Variants in SPSB1 observed in about 807,000 individuals in gnomAD.
SPSB1 encodes the protein SPRY domain-containing SOCS box protein 1.
SPSB1 carries 8 observed loss-of-function variants against 21.2 expected under a neutral mutation model. That is an observed-to-expected ratio of 0.38 (90% CI 0.22 to 0.68). The LOEUF is 0.68. Ranked by LOEUF, SPSB1 falls within the 30% of genes least tolerant of loss-of-function variation. The probability of loss-of-function intolerance (pLI) is 0.53; values close to 1 mark genes in which losing one functional copy is unlikely to be tolerated. For synonymous variants in SPSB1, 169 were observed against 161.7 expected (o/e 1.05, Z -0.34); for missense variants, 242 against 377.8 (o/e 0.64, Z 2.98).
At position 9,305,911 on chromosome 1, in the gene SPSB1, G is replaced by A. The variant is rs547369082; in HGVS notation, c.-150+12840G>A. Among the ~76,000 whole-genome samples the A allele has an allele frequency of 6.6e-6, 1 of 152,156 alleles. No individual in the cohort carries two copies. Among genetic ancestry groups the A allele is most frequent in the Non-Finnish European group, 1.5e-5 (1 of 68,032 alleles). The stretch of plus-strand genomic sequence containing the variant: ...GCAGGGGTGGCCAGGTTGGAAAGGC[G>A]GGAAGGGTGCCCATGTGTGGCCAAA... On this transcript the variant is annotated intron_variant, in intron 1 of 2. Transcript: ENST00000328089. The surrounding 1 kb of genome is among the most constrained non-coding windows in gnomAD (Gnocchi z 4.8).
At chr1:9,334,566 G>T (rs1639974210) in intron 1 of SPSB1, among the ~76,000 whole-genome samples, 1 of 152,174 alleles carries the variant, frequency 6.6e-6, no homozygotes, top group Admixed American at 6.5e-5. Flanking sequence ...GTGGCATTAG[G>T]TACCTTCATA....
rs796257097 is a variant in SPSB1 at position 9,346,943 on chromosome 1, T to C, written c.-149-8800T>C. On this transcript the variant is annotated intron_variant, in intron 1 of 2. Coordinates refer to ENST00000328089, the MANE Select transcript of SPSB1 (RefSeq NM_025106.4). This position sits in a 1 kb window ranked among gnomAD's most constrained non-coding sequence, Gnocchi z 4.4. ...TTTGAAACAGTATAATCGGAAGTCT[T>C]GGGATAGATCACTGTAGAAATAATG... Among the ~76,000 whole-genome samples the C allele has an allele frequency of 8.5e-5, 13 of 152,378 alleles. No homozygotes were observed. Among genetic ancestry groups the C allele is most frequent in the African/African-American group, 3.1e-4 (13 of 41,588 alleles).
At chr1:9,366,502 G>T (rs1403156734) in intron 2 of SPSB1, among the ~76,000 whole-genome samples, 11 of 152,048 alleles carry the variant, frequency 7.2e-5, no homozygotes, top group Non-Finnish European at 1.5e-4. Context: ...GCTGGGCCCA[G>T]GCTGCCTGGA....
In SPSB1 at chr1:9,324,940, G is replaced by T. The variant is rs574920622; in HGVS notation, c.-149-30803G>T. On this transcript the variant is annotated intron_variant, in intron 1 of 2. Coordinates refer to ENST00000328089, the MANE Select transcript of SPSB1 (RefSeq NM_025106.4). The surrounding 1 kb of genome is among the most constrained non-coding windows in gnomAD (Gnocchi z 4.3). The stretch of plus-strand genomic sequence containing the variant: ...TGGGGTGGGGGAGCAGGGACACCCG[G>T]CCTGGCGGGCTGGTGGATCGGAGGC... 1.8e-4 allele frequency among the ~76,000 whole-genome samples: 27 copies of T among 152,346 alleles called. No individual in the cohort carries two copies. In the South Asian group the frequency reaches 5.6e-3, roughly 32 times the overall value.
chr1:9,315,210 C>T (rs1639591299), intron 1 of SPSB1, among the ~76,000 whole-genome samples: 1 of 152,160 alleles, frequency 6.6e-6, no homozygotes, highest in Non-Finnish European at 1.5e-5. Flanking sequence ...CTCCCCATGC[C>T]GCATCACGGA....
At chr1:9,342,874 C>G (rs1473740435) in intron 1 of SPSB1, among the ~76,000 whole-genome samples, 1 of 152,266 alleles carries the variant, frequency 6.6e-6, no homozygotes, top group African/African-American at 2.4e-5. Context: ...AGGCTCTTCA[C>G]TCCCCACATC....
chr1:9,350,908 T>C (rs1024546333), intron 1 of SPSB1, among the ~76,000 whole-genome samples: 3 of 152,188 alleles, frequency 2.0e-5, no homozygotes, highest in African/African-American at 7.2e-5. Context: ...CTGCCTGAAG[T>C]GTAGTGCCCG....
chr1:9,350,685 G>A (rs1007632299), intron 1 of SPSB1, among the ~76,000 whole-genome samples: 3 of 152,228 alleles, frequency 2.0e-5, no homozygotes, highest in Admixed American at 6.5e-5. Flanking sequence ...GCCCTGCAGG[G>A]CAGTACGAGC....
At chr1:9,341,683 G>A (rs922835619) in intron 1 of SPSB1, among the ~76,000 whole-genome samples, 4 of 152,130 alleles carry the variant, frequency 2.6e-5, no homozygotes, top group African/African-American at 4.8e-5. Flanking sequence ...CTTCCTGAAC[G>A]GTGACCACGC....
intron 1 of SPSB1, among the ~76,000 whole-genome samples, chr1:9,333,363 C>T (rs1444697140): frequency 1.4e-5 from 2 of 143,370 alleles, no homozygotes; most frequent in African/African-American, 5.1e-5. Flanking sequence ...CAGAGTCTCA[C>T]TCTGTTGCCC....
At chr1:9,298,374 ATGAATGAATGAG>A (rs58085873) in intron 1 of SPSB1, among the ~76,000 whole-genome samples, 15,003 of 135,036 alleles carry the variant, frequency 0.11, 907 homozygotes, top group South Asian at 0.15. Context: ...GCCCCCATGA[ATGAATGAATGAG>A]TGAATGAATG....
intron 2 of SPSB1, among the ~76,000 whole-genome samples, chr1:9,364,034 G>A (rs1387358807): frequency 3.9e-5 from 6 of 152,186 alleles, no homozygotes; most frequent in Non-Finnish European, 4.4e-5. Context: ...TTGGAAACCC[G>A]TTACACCAAG....
intron 1 of SPSB1, among the ~76,000 whole-genome samples, chr1:9,309,044 G>A (rs1200914283): frequency 6.6e-6 from 1 of 152,032 alleles, no homozygotes; most frequent in Non-Finnish European, 1.5e-5. Context: ...GTTCTAGGCT[G>A]GGGGGTTTCA....
chr1:9,356,515 A>G lies in SPSB1; in HGVS notation c.624A>G (p.Lys208=), dbSNP rs768006565. ...CTTTTCGGGGACTCAAGGGCAAAAA[A>G]CTGTATCCTGTAGTGAGTGCCGTCT... The part of the protein sequence containing the change: ...GVAFRGLKGK[K]LYPVVSAVWG... Residue 208 remains lysine, a synonymous_variant, in exon 2 of 3, where the codon AAA becomes AAG. Transcript: ENST00000328089. This position sits in a 1 kb window ranked among gnomAD's most constrained non-coding sequence, Gnocchi z 7.4. 1 of 1,613,462 alleles carries G rather than the reference A, an allele frequency of 6.2e-7. No individual in the cohort carries two copies. The highest frequency in any genetic ancestry group is 1.1e-5 in the South Asian group (1 of 91,072).
intron 1 of SPSB1, among the ~76,000 whole-genome samples, chr1:9,341,765 C>T (rs983340563): frequency 2.0e-5 from 3 of 152,108 alleles, no homozygotes; most frequent in South Asian, 2.1e-4. Flanking sequence ...TACAATAGCG[C>T]GATCTCGTCT....
intron 1 of SPSB1, among the ~76,000 whole-genome samples, chr1:9,297,636 T>C (rs1441199507): frequency 6.6e-6 from 1 of 151,602 alleles, no homozygotes; most frequent in African/African-American, 2.4e-5. Flanking sequence ...CTGCACTTGA[T>C]GTTGTAGCTC....
chr1:9,337,967 G>T (rs892827953), intron 1 of SPSB1, among the ~76,000 whole-genome samples: 1 of 152,208 alleles, frequency 6.6e-6, no homozygotes, highest in Non-Finnish European at 1.5e-5. Context: ...TGCTGCCAAC[G>T]CTCTGGCCAA....
At chr1:9,325,681 G>A (rs1300366283) in intron 1 of SPSB1, among the ~76,000 whole-genome samples, 2 of 152,294 alleles carry the variant, frequency 1.3e-5, no homozygotes, top group South Asian at 2.1e-4. Context: ...CACAGGGGAC[G>A]GGTCTTAAGC....
chr1:9,327,767 G>A (rs1008456454), intron 1 of SPSB1, among the ~76,000 whole-genome samples: 46 of 152,202 alleles, frequency 3.0e-4, no homozygotes, highest in Admixed American at 5.9e-4. Context: ...GGTGTCTGCC[G>A]CAACTACTCG....
Sources: gnomAD v4.1 joint callset for allele counts (sites outside exome capture counted in the v4.1 genomes callset) on GRCh38, gnomAD v4.1.1 for gene constraint, Gnocchi (gnomAD v3.1) non-coding constraint, MANE v1.5 for transcripts, NCBI Gene and HGNC (gene_info 2026-07-23, HGNC 2026-07-21) for gene names.